Variants in DIO2 observed in about 807,000 individuals in gnomAD.
DIO2 encodes the protein type II iodothyronine deiodinase.
Under a neutral mutation model 21.4 loss-of-function variants are expected in DIO2, and 19 were observed. The ratio of observed to expected loss-of-function variants is 0.89; its 90% confidence interval spans 0.62 to 1.30. The LOEUF is 1.30. DIO2 is among the 50% of genes most tolerant of loss of function. The pLI is 0.00. For synonymous variants in DIO2, 122 were observed against 132.9 expected (o/e 0.92, Z 0.57); for missense variants, 302 against 338.1 (o/e 0.89, Z 0.84).
intron 1 of DIO2, among the ~76,000 whole-genome samples, chr14:80,209,106 C>T (rs1473077703): frequency 6.6e-6 from 1 of 152,060 alleles, no homozygotes; most frequent in Non-Finnish European, 1.5e-5. Flanking sequence ...CAACATATTG[C>T]AACATAATGG....
intron 2 of DIO2, among the ~76,000 whole-genome samples, chr14:80,226,089 G>A (rs946958896): frequency 9.2e-5 from 14 of 152,080 alleles, no homozygotes; most frequent in Non-Finnish European, 1.6e-4. Flanking sequence ...CACTTCCACC[G>A]CTTGATTCCT....
chr14:80,230,388 G>T lies in DIO2; in HGVS notation c.-277-13651C>A, dbSNP rs146534904. Among the ~76,000 whole-genome samples the T allele has an allele frequency of 2.8e-3, 430 of 152,226 alleles. 1 individual carries two copies. The highest frequency in any genetic ancestry group is 9.4e-3 in the African/African-American group (389 of 41,544). ...TTGTGTCTGTTTTTCCACAATTTCA[G>T]CTCTTTCTCTATAGGAGATGAGACT... On this transcript the variant is annotated intron_variant, in intron 2 of 4. Coordinates refer to the DIO2 transcript ENST00000553594.
intron 2 of DIO2, among the ~76,000 whole-genome samples, chr14:80,217,776 G>A (rs1312185493): frequency 5.3e-5 from 8 of 152,190 alleles, no homozygotes; most frequent in Non-Finnish European, 1.2e-4. Context: ...TTTTGTATCA[G>A]TAATAAGCTA....
chr14:80,208,518 A>G (rs1888041660), intron 1 of DIO2, among the ~76,000 whole-genome samples: 1 of 152,178 alleles, frequency 6.6e-6, no homozygotes, highest in Admixed American at 6.5e-5. Context: ...CAACAAGGAG[A>G]ATTAATAACA....
rs575690031 is a variant in DIO2, at chr14:80,209,298, A to G, written c.222+1953T>C. 1.7e-3 allele frequency among the ~76,000 whole-genome samples: 262 copies of G among 152,178 alleles called. 1 individual carries two copies. The highest frequency in any genetic ancestry group is 5.8e-3 in the African/African-American group (239 of 41,530). On this transcript the variant is annotated intron_variant, in intron 1 of 1. Transcript: ENST00000438257. Reference sequence around the variant, plus strand: ...TGTTTTTCATGTTTTTCTTAATGAAACATGACATTTATATAAGAAATATAT... The same window carrying G: ...TGTTTTTCATGTTTTTCTTAATGAAGCATGACATTTATATAAGAAATATAT...
chr14:80,223,397 A>G (rs1888506321), intron 2 of DIO2, among the ~76,000 whole-genome samples: 1 of 152,216 alleles, frequency 6.6e-6, no homozygotes, highest in Non-Finnish European at 1.5e-5. Flanking sequence ...AGCATGTTAA[A>G]ACTCAGTAAA....
At chr14:80,228,327 G>C (rs1452011734) in intron 2 of DIO2, among the ~76,000 whole-genome samples, 1 of 152,190 alleles carries the variant, frequency 6.6e-6, no homozygotes, top group African/African-American at 2.4e-5. Flanking sequence ...TGCATACCAG[G>C]TACCAGGAAA....
In DIO2 at chr14:80,198,057, C is replaced by G. The variant is rs557076103; in HGVS notation, c.*4632G>C. ...AACCACGCTGACCAGTGACATGGGC[C>G]TGGAGAAGTCTTGAGAGAATTTTCT... On this transcript the variant is annotated 3_prime_UTR_variant, in exon 2 of 2. Transcript: ENST00000438257. 6.6e-6 allele frequency: 1 copy of G among 152,614 alleles called. No homozygotes were observed. The highest frequency in any genetic ancestry group is 1.9e-4 in the East Asian group (1 of 5,190). The allele number at this position is 152,614 out of a possible 1,614,324, so 9.5% of individuals were successfully genotyped here.
upstream of DIO2, among the ~76,000 whole-genome samples, chr14:80,213,515 G>T (rs139628438): frequency 1.3e-5 from 2 of 152,224 alleles, no homozygotes; most frequent in African/African-American, 2.4e-5. Flanking sequence ...TGGTTGGCAG[G>T]TTGCTTTTTT....
upstream of DIO2, chr14:80,211,536 AG>A: frequency 1.5e-5 from 4 of 258,768 alleles, no homozygotes; most frequent in Non-Finnish European, 5.4e-6. Context: ...CTTATTTAAA[AG>A]GGGGGTGGTG....
At chr14:80,223,640 A>C in intron 2 of DIO2, among the ~76,000 whole-genome samples, 1 of 152,200 alleles carries the variant, frequency 6.6e-6, no homozygotes, top group Non-Finnish European at 1.5e-5. Context: ...TTATATTCAT[A>C]AAAAGTTGAA....
upstream of DIO2, among the ~76,000 whole-genome samples, chr14:80,213,494 T>C (rs1305557298): frequency 1.3e-5 from 2 of 152,194 alleles, no homozygotes; most frequent in Non-Finnish European, 1.5e-5. Flanking sequence ...TGCATATTAA[T>C]GCATTTTGTT....
chr14:80,216,738 C>G lies in DIO2; in HGVS notation c.-277-1G>C, dbSNP rs1158595398. The G allele has an allele frequency of 6.6e-6, 1 of 152,138 alleles. No homozygotes were observed. Among genetic ancestry groups the G allele is most frequent in the African/African-American group, 2.4e-5 (1 of 41,436 alleles). The allele number at this position is 152,138 out of a possible 1,614,324, so 9.4% of individuals were successfully genotyped here. On this transcript the variant is annotated splice_acceptor_variant, in intron 2 of 4. Coordinates refer to the DIO2 transcript ENST00000553594. LOFTEE classifies it low-confidence loss of function (5UTR_SPLICE). Reference sequence around the variant, plus strand: ...TCAATCTCTTCTTTCTCCCTAAATACTTGACCCAATGCAGTAGACCAAAAG... The same window carrying G: ...TCAATCTCTTCTTTCTCCCTAAATAGTTGACCCAATGCAGTAGACCAAAAG...
chr14:80,209,635 T>G lies in DIO2; in HGVS notation c.222+1616A>C, dbSNP rs1014214438. Among the ~76,000 whole-genome samples the G allele has an allele frequency of 5.3e-5, 8 of 152,360 alleles. No individual in the cohort carries two copies. In the South Asian group the frequency reaches 1.7e-3, roughly 32 times the overall value. ...AATTCAATATCTACTTTTCTAGATCTCCCGTCCTCACTGACATGCACAATA... is the reference window on the plus strand; with the variant it reads ...AATTCAATATCTACTTTTCTAGATCGCCCGTCCTCACTGACATGCACAATA... On this transcript the variant is annotated intron_variant, in intron 1 of 1. Coordinates refer to ENST00000438257, the MANE Select transcript of DIO2 (RefSeq NM_013989.5).
Position 80,211,293 on chromosome 14 carries a change from C to G in DIO2, c.180G>C (p.Leu60=), listed in dbSNP as rs1347505008. Reference sequence around the variant, plus strand: ...GGAGGAAGCTCTTCCAGACGCAGCGCAGTCCCTCTGAGGTCAGCATGCGCC... The same window carrying G: ...GGAGGAAGCTCTTCCAGACGCAGCGGAGTCCCTCTGAGGTCAGCATGCGCC... ...EWRRMLTSEG[L]RCVWKSFLLD... is the part of the protein sequence containing the mutation. Residue 60 remains leucine (L), a synonymous_variant, in exon 1 of 2, where the codon CTG becomes CTC. Transcript: ENST00000438257. 1.9e-6 allele frequency: 3 copies of G among 1,613,234 alleles called. No individual in the cohort carries two copies. Among genetic ancestry groups the G allele is most frequent in the Admixed American group, 3.3e-5 (2 of 60,022 alleles).
chr14:80,230,747 G>A (rs957833947), intron 2 of DIO2, among the ~76,000 whole-genome samples: 1 of 152,156 alleles, frequency 6.6e-6, no homozygotes, highest in Non-Finnish European at 1.5e-5. Context: ...ATATTAAGCA[G>A]CTAACTCTAG....
At chr14:80,215,242 C>T (rs1888324279), upstream of DIO2, among the ~76,000 whole-genome samples, 2 of 152,158 alleles carry the variant, frequency 1.3e-5, no homozygotes, top group Admixed American at 1.3e-4. Context: ...ATGCTTTGGG[C>T]TTTTTATGAA....
chr14:80,207,160 C>T (rs1248971584), intron 1 of DIO2, among the ~76,000 whole-genome samples: 1 of 152,092 alleles, frequency 6.6e-6, no homozygotes, highest in Admixed American at 6.5e-5. Flanking sequence ...TGCATTTTTA[C>T]AACAGAAGAC....
chr14:80,202,265 G>T lies in DIO2; in HGVS notation c.*424C>A, dbSNP rs887697762. ...GTAATATTTGGGAATTTTCCAACTG[G>T]GCTCCATCCATGCCAAATAGAGCCA... On this transcript the variant is annotated 3_prime_UTR_variant, in exon 2 of 2. Coordinates refer to ENST00000438257, the MANE Select transcript of DIO2 (RefSeq NM_013989.5). 1 of 515,926 alleles carries T rather than the reference G, an allele frequency of 1.9e-6. No homozygotes were observed. The highest frequency in any genetic ancestry group is 1.9e-5 in the African/African-American group (1 of 51,694). The allele number at this position is 515,926 out of a possible 1,614,324, so 32.0% of individuals were successfully genotyped here.
Sources: gnomAD v4.1 joint callset for allele counts (sites outside exome capture counted in the v4.1 genomes callset) on GRCh38, gnomAD v4.1.1 for gene constraint, MANE v1.5 for transcripts, NCBI Gene and HGNC (gene_info 2026-07-23, HGNC 2026-07-21) for gene names.